Variants in CISD1 observed in about 807,000 individuals in gnomAD.
CISD1 encodes CDGSH iron sulfur domain 1, also known as CDGSH iron-sulfur domain-containing protein 1.
A neutral mutation model predicts 12.0 loss-of-function variants in CISD1; 8 were observed. The ratio of observed to expected loss-of-function variants is 0.67; its 90% CI spans 0.39 to 1.20. CISD1 has a LOEUF of 1.20. CISD1 is among the 50% of genes most tolerant of loss of function. The pLI is 0.01. For missense variants in CISD1, 107 were observed against 132.7 expected (o/e 0.81, Z 0.95); for synonymous variants, 38 against 42.2 (o/e 0.90, Z 0.39).
chr10:58,274,910 T>C (rs72797403), intron 1 of CISD1, among the ~76,000 whole-genome samples: 17,752 of 152,250 alleles, frequency 0.12, 1,349 homozygotes, highest in Non-Finnish European at 0.17. Flanking sequence ...GAGATTATTT[T>C]CACTTATCAT....
At chr10:58,278,573 G>A (rs1220771726) in intron 2 of CISD1, among the ~76,000 whole-genome samples, 1 of 152,006 alleles carries the variant, frequency 6.6e-6, no homozygotes, top group East Asian at 1.9e-4. Flanking sequence ...AAAAAATAAT[G>A]TTAAAGGGCC....
At chr10:58,279,538 T>C (rs568817297) in intron 2 of CISD1, among the ~76,000 whole-genome samples, 1 of 152,308 alleles carries the variant, frequency 6.6e-6, no homozygotes, top group African/African-American at 2.4e-5. Context: ...GATGACTATA[T>C]TGAATATAAA....
intron 2 of CISD1, among the ~76,000 whole-genome samples, chr10:58,286,709 T>C (rs2132285992): frequency 6.6e-6 from 1 of 152,224 alleles, no homozygotes; most frequent in African/African-American, 2.4e-5. Context: ...TCCCTCCCAC[T>C]GGACACCAAA....
chr10:58,280,602 T>C (rs921119274), intron 2 of CISD1, among the ~76,000 whole-genome samples: 2 of 152,130 alleles, frequency 1.3e-5, no homozygotes, highest in African/African-American at 4.8e-5. Context: ...GGGTTGGAGA[T>C]AGAGATCAGC....
In CISD1 at chr10:58,287,632, C is replaced by A; in HGVS notation, c.309C>A (p.Ile103=). 6.2e-7 allele frequency: 1 copy of A among 1,607,692 alleles called. No homozygotes were observed. Among genetic ancestry groups the A allele is most frequent in the South Asian group, 1.1e-5 (1 of 90,126 alleles). ...GAGACAATGTGGGCCCTCTGATCAT[C>A]AAGAAAAAAGAAACTTAAATGGACA... The part of the protein sequence containing the change: ...ETGDNVGPLI[I]KKKET The change falls in exon 3 of 3, where the codon ATC becomes ATA. Residue 103 remains isoleucine (I), a synonymous_variant. Transcript: ENST00000333926.
chr10:58,274,116 G>C (rs564713858), intron 1 of CISD1, among the ~76,000 whole-genome samples: 181 of 152,054 alleles, frequency 1.2e-3, no homozygotes, highest in South Asian at 2.9e-3. Context: ...CTGGGCAACA[G>C]AGCAAGACTC....
intron 2 of CISD1, among the ~76,000 whole-genome samples, chr10:58,279,504 T>C (rs1282518883): frequency 1.3e-5 from 2 of 152,230 alleles, no homozygotes; most frequent in African/African-American, 2.4e-5. Flanking sequence ...ACTTAGATTA[T>C]GCCATTTTGT....
rs901475891 is a variant in CISD1 at position 58,269,357 on chromosome 10, G to T, written c.31+53G>T. The T allele has an allele frequency of 9.7e-6, 15 of 1,548,848 alleles. No individual in the cohort carries two copies. The Admixed American group carries it at 1.0e-4, about 11-fold the overall frequency. On this transcript the variant is annotated intron_variant, in intron 1 of 2. Coordinates refer to ENST00000333926, the MANE Select transcript of CISD1 (RefSeq NM_018464.5). ...GCTGGTGAGGCTCAGCGGTTGCCGC[G>T]CCCGCAGTTCGACTGGGTTGTTTTA...
chr10:58,273,541 G>GAAA (rs397784603), intron 1 of CISD1: 37 of 145,362 alleles, frequency 2.5e-4, no homozygotes, highest in Admixed American at 1.4e-4. Flanking sequence ...CACAGTAAAA[G>GAAA]AAAAAAAAAA....
chr10:58,285,409 C>T (rs926768544), intron 2 of CISD1, among the ~76,000 whole-genome samples: 7 of 152,100 alleles, frequency 4.6e-5, no homozygotes, highest in Non-Finnish European at 8.8e-5. Context: ...CTTCACTGCA[C>T]GTAATGAGGT....
intron 1 of CISD1, among the ~76,000 whole-genome samples, chr10:58,272,491 G>A (rs185629064): frequency 1.3e-5 from 2 of 152,076 alleles, no homozygotes; most frequent in African/African-American, 4.8e-5. Context: ...CCACAACATA[G>A]GAAAATATTG....
chr10:58,272,627 AAAAT>A (rs1839261829), intron 1 of CISD1, among the ~76,000 whole-genome samples: 1 of 152,184 alleles, frequency 6.6e-6, no homozygotes, highest in Admixed American at 6.5e-5. Context: ...CAATAAATGA[AAAAT>A]AAGAGGGCTG....
In CISD1 at chr10:58,269,238, G is replaced by A; in HGVS notation, c.-36G>A. On this transcript the variant is annotated 5_prime_UTR_variant, in exon 1 of 3. Coordinates refer to ENST00000333926, the MANE Select transcript of CISD1 (RefSeq NM_018464.5). Reference sequence around the variant, plus strand: ...GGCCGCGCGAACCCGTTTGAGCTCGGTATCCTAGTGCACACGCCTTGCAAG... The same window carrying A: ...GGCCGCGCGAACCCGTTTGAGCTCGATATCCTAGTGCACACGCCTTGCAAG... 6.2e-7 allele frequency: 1 copy of A among 1,604,840 alleles called. No homozygotes were observed. The highest frequency in any genetic ancestry group is 1.1e-5 in the South Asian group (1 of 91,024).
intron 1 of CISD1, chr10:58,273,613 T>C (rs1839274085): frequency 6.6e-6 from 1 of 151,992 alleles, no homozygotes. Flanking sequence ...GTTTTCTCTC[T>C]CTCTGAATAA....
chr10:58,283,473 T>C (rs1302049035), intron 2 of CISD1, among the ~76,000 whole-genome samples: 1 of 152,220 alleles, frequency 6.6e-6, no homozygotes, highest in Non-Finnish European at 1.5e-5. Flanking sequence ...TTTATGGTAA[T>C]GAGCCAAAAT....
chr10:58,282,287 A>G (rs1307777830), intron 2 of CISD1, among the ~76,000 whole-genome samples: 1 of 152,142 alleles, frequency 6.6e-6, no homozygotes, highest in African/African-American at 2.4e-5. Flanking sequence ...TTTATAGTAC[A>G]GGCTTCCCTC....
intron 2 of CISD1, among the ~76,000 whole-genome samples, chr10:58,285,896 A>G (rs764735349): frequency 6.6e-6 from 1 of 152,148 alleles, no homozygotes; most frequent in Non-Finnish European, 1.5e-5. Context: ...CTGGAGGAAT[A>G]AAGTGATAAA....
At chr10:58,271,057 T>TTTTTTTTTTA (rs75668167) in intron 1 of CISD1, among the ~76,000 whole-genome samples, 2 of 149,936 alleles carry the variant, frequency 1.3e-5, no homozygotes, top group Admixed American at 6.6e-5. Context: ...TTTTTTTTTT[T>TTTTTTTTTTA]GAGGCGGAGT....
At position 58,269,522 on chromosome 10, in the gene CISD1, A is replaced by G. The variant is rs1192347410; in HGVS notation, c.31+218A>G. 2.0e-5 allele frequency among the ~76,000 whole-genome samples: 3 copies of G among 152,338 alleles called. No homozygotes were observed. The South Asian group carries it at 6.2e-4, about 32-fold the overall frequency. On this transcript the variant is annotated intron_variant, in intron 1 of 2. Coordinates refer to ENST00000333926, the MANE Select transcript of CISD1 (RefSeq NM_018464.5). ...TGATGGTTTGGGGCCATGCCGGACCAGAGTCCACGTTTACCCCAGCTAGCC... is the reference window on the plus strand; with the variant it reads ...TGATGGTTTGGGGCCATGCCGGACCGGAGTCCACGTTTACCCCAGCTAGCC...
Sources: allele counts gnomAD v4.1 joint callset (sites outside exome capture counted in the v4.1 genomes callset), GRCh38; gene constraint gnomAD v4.1.1; transcripts MANE v1.5; gene names NCBI Gene and HGNC (gene_info 2026-07-23, HGNC 2026-07-21).